The following ELAVL2 variants were observed in gnomAD, a reference collection of about 807,000 sequenced individuals.
ELAVL2 encodes the protein ELAV like RNA binding protein 2.
In ELAVL2, 4 loss-of-function variants were observed where a neutral mutation model predicts 34.6. The ratio of observed to expected loss-of-function variants is 0.12; its 90% confidence interval spans 0.06 to 0.26. The LOEUF is 0.26. Ranked by LOEUF, ELAVL2 falls within the 10% of genes least tolerant of loss-of-function variation. The pLI is 1.00. For missense variants in ELAVL2, 432 were observed against 442.8 expected, an observed-to-expected ratio of 0.98 and a Z score of 0.22; for synonymous variants, 193 against 154.8, an observed-to-expected ratio of 1.25 and a Z score of -1.83.
chr9:23,764,335 T>C (rs998764398), intron 1 of ELAVL2, among the ~76,000 whole-genome samples: 1 of 152,174 alleles, frequency 6.6e-6, no homozygotes, highest in Non-Finnish European at 1.5e-5. Context: ...CAAACACTCC[T>C]CACTTAATTG....
chr9:23,775,963 C>A (rs548577206), intron 1 of ELAVL2, among the ~76,000 whole-genome samples: 101 of 152,286 alleles, frequency 6.6e-4, no homozygotes, highest in African/African-American at 2.4e-3. Flanking sequence ...ACCTTTATCT[C>A]CCCAGTAAAA....
chr9:23,829,751 A>T (rs981052802), upstream of ELAVL2: 24 of 152,230 alleles, frequency 1.6e-4, no homozygotes, highest in African/African-American at 5.8e-4. Context: ...CGTGGCAACC[A>T]CGCAAGAGAA....
chr9:23,699,296 A>T (rs994905427), intron 5 of ELAVL2, among the ~76,000 whole-genome samples: 1 of 152,188 alleles, frequency 6.6e-6, no homozygotes, highest in Non-Finnish European at 1.5e-5. Context: ...AAGCCTTGCC[A>T]TTTCAATAAT....
At chr9:23,771,657 T>C (rs1279354382) in intron 1 of ELAVL2, among the ~76,000 whole-genome samples, 5 of 152,096 alleles carry the variant, frequency 3.3e-5, no homozygotes, top group Admixed American at 3.3e-4. Flanking sequence ...ACATAGTATA[T>C]CAGAAAATTG....
chr9:23,720,204 C>CT (rs2043310855), intron 3 of ELAVL2, among the ~76,000 whole-genome samples: 1 of 151,752 alleles, frequency 6.6e-6, no homozygotes, highest in Non-Finnish European at 1.5e-5. Flanking sequence ...CAGAATCTCC[C>CT]TCTATCCACC....
intron 1 of ELAVL2, among the ~76,000 whole-genome samples, chr9:23,822,883 C>T (rs1331792230): frequency 6.6e-6 from 1 of 152,200 alleles, no homozygotes; most frequent in East Asian, 1.9e-4. Flanking sequence ...GCAAGGTCCG[C>T]TAAGGGCGTC....
chr9:23,764,151 C>G (rs1045912745), intron 1 of ELAVL2, among the ~76,000 whole-genome samples: 18 of 152,012 alleles, frequency 1.2e-4, no homozygotes, highest in African/African-American at 4.3e-4. Flanking sequence ...GTTATGGAAA[C>G]AATGAGCTAC....
chr9:23,800,268 G>T (rs1349469580), intron 1 of ELAVL2, among the ~76,000 whole-genome samples: 3 of 152,154 alleles, frequency 2.0e-5, no homozygotes, highest in African/African-American at 7.2e-5. Context: ...CTGAACTGGA[G>T]GTGTAACAAT....
intron 1 of ELAVL2, chr9:23,765,142 G>T (rs902046961): frequency 6.5e-7 from 1 of 1,532,688 alleles, no homozygotes; most frequent in Non-Finnish European, 8.8e-7. Flanking sequence ...AGATGAGCAA[G>T]ATAATGCAAC....
chr9:23,723,790 G>A (rs928885006), intron 3 of ELAVL2, among the ~76,000 whole-genome samples: 1 of 152,086 alleles, frequency 6.6e-6, no homozygotes, highest in African/African-American at 2.4e-5. Context: ...CCTGTGAGCT[G>A]TTATAAGGGT....
chr9:23,706,399 C>T (rs931921573), intron 3 of ELAVL2, among the ~76,000 whole-genome samples: 1 of 152,160 alleles, frequency 6.6e-6, no homozygotes, highest in Non-Finnish European at 1.5e-5. Context: ...CAATAATACC[C>T]CATTGATCAT....
chr9:23,807,076 A>G (rs1364175739), intron 1 of ELAVL2, among the ~76,000 whole-genome samples: 3 of 152,212 alleles, frequency 2.0e-5, no homozygotes, highest in Admixed American at 2.0e-4. Flanking sequence ...TATAAATGGT[A>G]TAAGCTAAAA....
chr9:23,746,969 T>C (rs966562290), intron 2 of ELAVL2, among the ~76,000 whole-genome samples: 2 of 152,062 alleles, frequency 1.3e-5, no homozygotes, highest in African/African-American at 4.8e-5. Flanking sequence ...ATTTAGAACA[T>C]CCTGCATTCC....
intron 3 of ELAVL2, among the ~76,000 whole-genome samples, chr9:23,730,318 G>A (rs79485640): frequency 0.036 from 5,498 of 152,130 alleles, 347 homozygotes; most frequent in African/African-American, 0.12. Flanking sequence ...TTTACTGTAC[G>A]TCTTAAAAAG....
chr9:23,772,584 T>C (rs989866471), intron 1 of ELAVL2, among the ~76,000 whole-genome samples: 1 of 141,780 alleles, frequency 7.1e-6, no homozygotes. Context: ...ACCAACAAGA[T>C]TTATTTCCTT....
chr9:23,716,651 G>A (rs2042379066), intron 3 of ELAVL2, among the ~76,000 whole-genome samples: 1 of 152,092 alleles, frequency 6.6e-6, no homozygotes, highest in African/African-American at 2.4e-5. Context: ...GCTCTCCAAA[G>A]ACAAAAATCC....
intron 1 of ELAVL2, among the ~76,000 whole-genome samples, chr9:23,810,421 A>C (rs564472812): frequency 2.6e-5 from 4 of 152,248 alleles, no homozygotes; most frequent in African/African-American, 9.6e-5. Flanking sequence ...TATAAAAATA[A>C]AAAATAATCC....
intron 1 of ELAVL2, among the ~76,000 whole-genome samples, chr9:23,768,550 A>C (rs1202789458): frequency 6.6e-6 from 1 of 152,110 alleles, no homozygotes. Flanking sequence ...AAGTATTTCA[A>C]ACCAGAAGTA....
intron 1 of ELAVL2, among the ~76,000 whole-genome samples, chr9:23,805,374 T>C (rs1188080214): frequency 6.6e-6 from 1 of 152,198 alleles, no homozygotes; most frequent in Non-Finnish European, 1.5e-5. Flanking sequence ...CTAAGCTAAA[T>C]AAAAGCCTTC....
Sources: gnomAD v4.1 joint callset for allele counts (sites outside exome capture counted in the v4.1 genomes callset) on GRCh38, gnomAD v4.1.1 for gene constraint, MANE v1.5 for transcripts, NCBI Gene and HGNC (gene_info 2026-07-23, HGNC 2026-07-21) for gene names.